SH3RF3: variants seen among roughly 807,000 people sequenced by gnomAD.
The protein encoded by SH3RF3 is E3 ubiquitin-protein ligase SH3RF3.
A neutral mutation model predicts 66.3 loss-of-function variants in SH3RF3; 29 were observed. That is an observed-to-expected ratio of 0.44 (90% CI 0.33 to 0.60). The LOEUF is 0.60. SH3RF3 is among the 20% of genes least tolerant of loss of function. The pLI is 0.04. For missense variants in SH3RF3, 1,194 were observed against 1,190.9 expected (o/e 1.00, Z -0.04); for synonymous variants, 583 against 532.0 (o/e 1.10, Z -1.32).
chr2:109,435,063 G>A lies in SH3RF3; in HGVS notation c.1575-1830G>A, dbSNP rs149994809. The stretch of plus-strand genomic sequence containing the variant: ...TCTTGGTCTGTGTTTTCCAAAGAAT[G>A]GCAGAGCCAGGAATAAACATTAAGG... On this transcript the variant is annotated intron_variant, in intron 6 of 9. Coordinates refer to ENST00000309415, the MANE Select transcript of SH3RF3 (RefSeq NM_001099289.3). Among the ~76,000 whole-genome samples, 486 of 152,252 alleles carry A rather than the reference G, an allele frequency of 3.2e-3. 4 individuals carry two copies. Among genetic ancestry groups the A allele is most frequent in the African/African-American group, 0.011 (468 of 41,544 alleles).
At chr2:109,146,330 G>A (rs1677094069) in intron 1 of SH3RF3, among the ~76,000 whole-genome samples, 1 of 152,144 alleles carries the variant, frequency 6.6e-6, no homozygotes, top group African/African-American at 2.4e-5. Context: ...GATCATTCCA[G>A]CTTCCCAAAG....
At chr2:109,396,197 C>T (rs905151419) in intron 3 of SH3RF3, among the ~76,000 whole-genome samples, 3 of 152,066 alleles carry the variant, frequency 2.0e-5, no homozygotes, top group East Asian at 1.9e-4. Context: ...GAGAGCCCCA[C>T]GGAGGGCTGT....
chr2:109,147,173 C>T (rs577029496), intron 1 of SH3RF3, among the ~76,000 whole-genome samples: 2 of 152,146 alleles, frequency 1.3e-5, no homozygotes, highest in Non-Finnish European at 2.9e-5. Context: ...GGCACTTCCT[C>T]AAGGTGCCTG....
At chr2:109,454,182 TAGG>T (rs1046757787) in intron 8 of SH3RF3, among the ~76,000 whole-genome samples, 3 of 152,196 alleles carry the variant, frequency 2.0e-5, no homozygotes, top group Non-Finnish European at 2.9e-5. Context: ...CATAATAAAA[TAGG>T]AGGAAATACT....
intron 6 of SH3RF3, among the ~76,000 whole-genome samples, chr2:109,435,173 C>T (rs1677364598): frequency 6.6e-6 from 1 of 152,190 alleles, no homozygotes; most frequent in African/African-American, 2.4e-5. Context: ...GAAGGAACTG[C>T]GCCCGGGTCG....
intron 1 of SH3RF3, among the ~76,000 whole-genome samples, chr2:109,339,503 C>T (rs983289808): frequency 9.2e-5 from 14 of 152,122 alleles, no homozygotes; most frequent in Admixed American, 2.6e-4. Context: ...AGGAGGCCCA[C>T]GTGAGTGTGC....
intron 1 of SH3RF3, among the ~76,000 whole-genome samples, chr2:109,186,552 A>T (rs1678190422): frequency 6.6e-6 from 1 of 152,236 alleles, no homozygotes; most frequent in Non-Finnish European, 1.5e-5. Context: ...TGTTTTTGAC[A>T]TTTCCAGCAA....
Position 109,129,289 on chromosome 2 carries a change from GC to G in SH3RF3, c.-250del, listed in dbSNP as rs767671321. ...TGCGGCGGGACAGGTGTAGCCCGCAGCCGCAGGCGCTGCGCTCAGGACTGGG... is the reference window on the plus strand; with the variant it reads ...TGCGGCGGGACAGGTGTAGCCCGCAGCGCAGGCGCTGCGCTCAGGACTGGG... On this transcript the variant is annotated 5_prime_UTR_variant, in exon 1 of 10. Transcript: ENST00000309415. The G allele has an allele frequency of 1.5e-6, 1 of 683,534 alleles. No homozygotes were observed. The highest frequency in any genetic ancestry group is 1.7e-5 in the South Asian group (1 of 60,292). 42.3% of individuals were successfully genotyped at this position (683,534 alleles called of 1,614,324 possible). A position where few individuals can be genotyped will look rare whatever the true frequency, so the allele number is the denominator to read the frequency against.
At chr2:109,496,719 C>T (rs1350833375) in intron 9 of SH3RF3, among the ~76,000 whole-genome samples, 1 of 152,224 alleles carries the variant, frequency 6.6e-6, no homozygotes, top group Non-Finnish European at 1.5e-5. Context: ...GAATAATGGC[C>T]CCCAAAGATG....
chr2:109,136,528 C>T (rs1676819090), intron 1 of SH3RF3, among the ~76,000 whole-genome samples: 1 of 152,146 alleles, frequency 6.6e-6, no homozygotes, highest in Non-Finnish European at 1.5e-5. Flanking sequence ...TATAAAGTTG[C>T]AGCATGATTT....
chr2:109,345,056 C>T (rs891214663), intron 1 of SH3RF3, among the ~76,000 whole-genome samples: 3 of 152,188 alleles, frequency 2.0e-5, no homozygotes, highest in Non-Finnish European at 4.4e-5. Flanking sequence ...CTGGAGAATT[C>T]ATGAAAGACA....
chr2:109,485,637 T>A (rs1485707041), intron 8 of SH3RF3, among the ~76,000 whole-genome samples: 1 of 152,252 alleles, frequency 6.6e-6, no homozygotes, highest in Admixed American at 6.5e-5. Flanking sequence ...CCTTCAAAAT[T>A]CTCCTTTTTA....
intron 1 of SH3RF3, among the ~76,000 whole-genome samples, chr2:109,216,536 A>T (rs951671258): frequency 6.6e-6 from 1 of 152,236 alleles, no homozygotes; most frequent in African/African-American, 2.4e-5. Flanking sequence ...TGCTTCTGTG[A>T]TACAGAAAGT....
chr2:109,287,633 C>A (rs548427356), intron 1 of SH3RF3, among the ~76,000 whole-genome samples: 1 of 152,092 alleles, frequency 6.6e-6, no homozygotes, highest in Non-Finnish European at 1.5e-5. Context: ...CAATGGGAGG[C>A]GGGAGGGGAA....
At chr2:109,342,287 T>C (rs985475242) in intron 1 of SH3RF3, among the ~76,000 whole-genome samples, 5 of 152,100 alleles carry the variant, frequency 3.3e-5, no homozygotes, top group African/African-American at 9.7e-5. Context: ...TTGGGAAAAA[T>C]AATGGGCCAA....
At chr2:109,326,645 C>T (rs747514455) in intron 1 of SH3RF3, among the ~76,000 whole-genome samples, 1 of 152,120 alleles carries the variant, frequency 6.6e-6, no homozygotes, top group Non-Finnish European at 1.5e-5. Flanking sequence ...TGTTCATAGC[C>T]TTTTCTACAA....
At chr2:109,483,096 C>A (rs1045640177) in intron 8 of SH3RF3, among the ~76,000 whole-genome samples, 7 of 152,278 alleles carry the variant, frequency 4.6e-5, no homozygotes, top group African/African-American at 1.7e-4. Flanking sequence ...TTGTTATAAA[C>A]CCTCCTGTGC....
intron 3 of SH3RF3, among the ~76,000 whole-genome samples, chr2:109,373,377 T>A (rs1182313091): frequency 6.6e-6 from 1 of 152,200 alleles, no homozygotes; most frequent in Non-Finnish European, 1.5e-5. Flanking sequence ...GAAAGTTCAT[T>A]ACAATGGCCC....
At chr2:109,489,780 C>T (rs1163879398) in intron 8 of SH3RF3, among the ~76,000 whole-genome samples, 2 of 152,112 alleles carry the variant, frequency 1.3e-5, no homozygotes, top group South Asian at 4.2e-4. Flanking sequence ...CTCTGTCACC[C>T]AGGCTGGAGT....
Sources: allele counts gnomAD v4.1 joint callset (sites outside exome capture counted in the v4.1 genomes callset), GRCh38; gene constraint gnomAD v4.1.1; transcripts MANE v1.5; gene names NCBI Gene and HGNC (gene_info 2026-07-23, HGNC 2026-07-21).